Variants in ANKRD42 observed in about 807,000 individuals in gnomAD.
ANKRD42 encodes ankyrin repeat domain-containing protein 42.
A neutral mutation model predicts 51.5 loss-of-function variants in ANKRD42; 43 were observed. The ratio of observed to expected loss-of-function variants is 0.83; its 90% CI spans 0.65 to 1.08. The LOEUF (loss-of-function observed/expected upper bound fraction) is 1.08. ANKRD42 is among the 50% of genes least tolerant of loss of function. ANKRD42 has a pLI of 0.00. For synonymous variants in ANKRD42, 203 were observed against 213.0 expected (o/e 0.95, Z 0.41); for missense variants, 608 against 629.3 (o/e 0.97, Z 0.36).
intron 5 of ANKRD42, chr11:83,214,587 AT>A: frequency 1.0e-6 from 1 of 975,374 alleles, no homozygotes; most frequent in East Asian, 1.1e-4. Flanking sequence ...TCATAAAATT[AT>A]TTTTTATTGA....
chr11:83,227,580 A>G (rs1051170123), intron 6 of ANKRD42, among the ~76,000 whole-genome samples, 167 bp from the exon 7 acceptor site: 6 of 152,148 alleles, frequency 3.9e-5, no homozygotes, highest in African/African-American at 1.2e-4. Context: ...ATTAGTAATA[A>G]TCTCATTTTA....
At chr11:83,224,037 G>A (rs960891290) in intron 5 of ANKRD42, among the ~76,000 whole-genome samples, 1 of 146,286 alleles carries the variant, frequency 6.8e-6, no homozygotes, top group Non-Finnish European at 1.5e-5. Context: ...AAAATTTCTT[G>A]TCTGTTCATG....
At chr11:83,200,303 A>T (rs1490250748) in intron 2 of ANKRD42, among the ~76,000 whole-genome samples, 1 of 142,404 alleles carries the variant, frequency 7.0e-6, no homozygotes, top group Non-Finnish European at 1.6e-5. Context: ...CAGTTTCTCC[A>T]GTCAGTCTTT....
At chr11:83,213,238 G>C in intron 5 of ANKRD42, 1 of 1,598,848 alleles carries the variant, frequency 6.3e-7, no homozygotes, top group East Asian at 2.2e-5. Context: ...GGAAGTTCCT[G>C]GTCCACAACA....
At chr11:83,202,683 C>T (rs1005362452) in intron 2 of ANKRD42, among the ~76,000 whole-genome samples, 7 of 152,294 alleles carry the variant, frequency 4.6e-5, no homozygotes, top group East Asian at 3.9e-4. Flanking sequence ...TTTCTGTTTT[C>T]CCCCTCAATA....
chr11:83,263,484 G>C (rs1195882625), downstream of ANKRD42, among the ~76,000 whole-genome samples: 1 of 152,134 alleles, frequency 6.6e-6, no homozygotes, highest in Non-Finnish European at 1.5e-5. Context: ...AAAATGCTTA[G>C]GTGAGCATAT....
intron 7 of ANKRD42, among the ~76,000 whole-genome samples, chr11:83,235,563 G>C (rs955012735): frequency 1.3e-5 from 2 of 152,192 alleles, no homozygotes; most frequent in African/African-American, 4.8e-5. Context: ...CATTGGTTGA[G>C]GGTCTGTAAG....
chr11:83,220,091 G>T (rs1862670336), intron 5 of ANKRD42, among the ~76,000 whole-genome samples: 1 of 152,172 alleles, frequency 6.6e-6, no homozygotes, highest in Non-Finnish European at 1.5e-5. Context: ...CCCATGCAGG[G>T]GGAGCCTCTG....
intron 7 of ANKRD42, among the ~76,000 whole-genome samples, chr11:83,228,229 CTCTTTTTTTT>C (rs1862952957): frequency 2.4e-5 from 1 of 41,114 alleles, no homozygotes; most frequent in Non-Finnish European, 4.4e-5. Flanking sequence ...CCCTCTCTCT[CTCTTTTTTTT>C]TTTTTTTTTT....
At chr11:83,263,395 A>G (rs527322369), downstream of ANKRD42, among the ~76,000 whole-genome samples, 2 of 152,314 alleles carry the variant, frequency 1.3e-5, no homozygotes, top group Admixed American at 6.5e-5. Context: ...AACAACAACA[A>G]TTGGAGCCAT....
chr11:83,240,628 T>A (rs1863357069), intron 8 of ANKRD42, 131 bp from the exon 9 acceptor site: 2 of 893,906 alleles, frequency 2.2e-6, no homozygotes, highest in African/African-American at 3.4e-5. Flanking sequence ...GACCTTCAGA[T>A]TTTGGCTCCT....
intron 2 of ANKRD42, among the ~76,000 whole-genome samples, chr11:83,204,088 G>T (rs1268923771): frequency 6.6e-6 from 1 of 152,038 alleles, no homozygotes; most frequent in African/African-American, 2.4e-5. Flanking sequence ...TACTGCAGGT[G>T]CCCGCCACCA....
At chr11:83,240,715 G>C (rs763837777) in intron 8 of ANKRD42, 44 bp from the exon 9 acceptor site, 1 of 1,605,802 alleles carries the variant, frequency 6.2e-7, no homozygotes, top group Non-Finnish European at 8.5e-7. Context: ...GTTTCAGTTT[G>C]AAGAAGATTG....
In ANKRD42 at chr11:83,194,638, T is replaced by C; in HGVS notation, c.-33T>C. The C allele has an allele frequency of 6.2e-7, 1 of 1,611,718 alleles. No homozygotes were observed. Among genetic ancestry groups the C allele is most frequent in the Non-Finnish European group, 8.5e-7 (1 of 1,178,442 alleles). ...CCGCCGCAGCATCAGGGGCCTGGAC[T>C]CAACTCCTCCCCAGAGTCGGAGGTG... On this transcript the variant is annotated 5_prime_UTR_variant, in exon 1 of 11. Transcript: ENST00000533342.
At chr11:83,258,666 AT>A (rs1369724261), downstream of ANKRD42, among the ~76,000 whole-genome samples, 2 of 151,972 alleles carry the variant, frequency 1.3e-5, no homozygotes, top group East Asian at 3.9e-4. Flanking sequence ...AATGATAGCT[AT>A]TTTTTTTCAA....
chr11:83,256,265 T>C (rs1371076396), downstream of ANKRD42, among the ~76,000 whole-genome samples: 1 of 152,190 alleles, frequency 6.6e-6, no homozygotes, highest in Non-Finnish European at 1.5e-5. Context: ...TAAAAATTAT[T>C]AAAAATTCAA....
At chr11:83,262,741 C>G (rs936050294), downstream of ANKRD42, among the ~76,000 whole-genome samples, 7 of 152,068 alleles carry the variant, frequency 4.6e-5, no homozygotes, top group Non-Finnish European at 1.0e-4. Flanking sequence ...TGTACACCAC[C>G]CCATTTGATC....
downstream of ANKRD42, chr11:83,261,769 A>G (rs1285597065): frequency 1.7e-6 from 1 of 599,288 alleles, no homozygotes; most frequent in Non-Finnish European, 3.0e-6. Context: ...TTCTCATTCT[A>G]AAACACTTCC....
Position 83,206,122 on chromosome 11 carries a change from C to T in ANKRD42, c.287C>T (p.Ala96Val). 6.2e-7 allele frequency: 1 copy of T among 1,614,048 alleles called. No individual in the cohort carries two copies. The highest frequency in any genetic ancestry group is 8.5e-7 in the Non-Finnish European group (1 of 1,179,936). ...CACGTAACAACGAGAGGTTGGACAGCATCTCACATAGCTGCAATCAGGGGT... is the reference window on the plus strand; with the variant it reads ...CACGTAACAACGAGAGGTTGGACAGTATCTCACATAGCTGCAATCAGGGGT... ...ITHVTTRGWT[A>V]SHIAAIRGQD... The change falls in exon 3 of 11, where the codon GCA becomes GTA. Residue 96 changes from alanine to valine, a missense_variant. Transcript: ENST00000533342.
Sources: gnomAD v4.1 joint callset for allele counts (sites outside exome capture counted in the v4.1 genomes callset) on GRCh38, gnomAD v4.1.1 for gene constraint, MANE v1.5 for transcripts, NCBI Gene and HGNC (gene_info 2026-07-23, HGNC 2026-07-21) for gene names.